Variants in LIN7C observed in about 807,000 individuals in gnomAD.
The protein encoded by LIN7C is lin-7 cell polarity scaffold C, also known as protein lin-7 homolog C.
Under a neutral mutation model 24.7 loss-of-function variants are expected in LIN7C, and 17 were observed. The observed-to-expected ratio is 0.69, with a 90% CI of 0.47 to 1.03. LIN7C has a LOEUF of 1.03. LIN7C is among the 50% of genes least tolerant of loss of function. The probability of loss-of-function intolerance (pLI) is 0.00; values close to 1 mark genes in which losing one functional copy is unlikely to be tolerated. For synonymous variants in LIN7C, 90 were observed against 83.4 expected (o/e 1.08, Z -0.43); for missense variants, 204 against 239.0 (o/e 0.85, Z 0.97).
intron 1 of LIN7C, among the ~76,000 whole-genome samples, chr11:27,502,738 CA>C (rs1295320494): frequency 6.6e-6 from 1 of 152,016 alleles, no homozygotes. Flanking sequence ...GTTATGAGTT[CA>C]GTTAACAACT....
chr11:27,501,786 A>G lies in LIN7C; in HGVS notation c.156+16T>C. 2.0e-6 allele frequency: 3 copies of G among 1,505,144 alleles called. No individual in the cohort carries two copies. Among genetic ancestry groups the G allele is most frequent in the Non-Finnish European group, 2.8e-6 (3 of 1,090,556 alleles). The allele number at this position is 1,505,144 out of a possible 1,614,324, so 93.2% of individuals were successfully genotyped here. ...ATTAACTCAAATTTTTGTAAATTTT[A>G]ATGATGTTTACTCACCTCTCTCACA... On this transcript the variant is annotated intron_variant, in intron 2 of 4. Transcript: ENST00000278193.
At position 27,504,955 on chromosome 11, in the gene LIN7C, A is replaced by G. The variant is rs192134342; in HGVS notation, c.37+1761T>C. Among the ~76,000 whole-genome samples, 1,402 of 147,370 alleles carry G rather than the reference A, an allele frequency of 9.5e-3. 87 individuals are homozygous for G. The highest frequency in any genetic ancestry group is 0.081 in the Admixed American group (1,200 of 14,886). ...TGGAGTCTTCTACTGAAGAACAGAA[A>G]AGAAATCTGTAACAGCAAAAAACAA... On this transcript the variant is annotated intron_variant, in intron 1 of 4. Coordinates refer to ENST00000278193, the MANE Select transcript of LIN7C (RefSeq NM_018362.4).
In LIN7C at chr11:27,501,820, G is replaced by A; in HGVS notation, c.138C>T (p.Phe46=). ...TACTCACCTCTCTCACAGCATTGCA[G>A]AATTCACTTTGAAGGACTCTTTGCA... is the stretch of plus-strand genomic sequence containing the variant. ...QALQRVLQSE[F]CNAVREVYEH... is the part of the protein sequence containing the mutation. Residue 46 remains phenylalanine, a synonymous_variant, in exon 2 of 5, where the codon TTC becomes TTT. Transcript: ENST00000278193. 1 of 1,608,344 alleles carries A rather than the reference G, an allele frequency of 6.2e-7. No homozygotes were observed. The highest frequency in any genetic ancestry group is 8.5e-7 in the Non-Finnish European group (1 of 1,174,974).
chr11:27,501,627 A>ATTTCAGGCGAAGTTAAAC, intron 2 of LIN7C, 61 bp from the exon 3 acceptor site: 2 of 1,230,598 alleles, frequency 1.6e-6, no homozygotes, highest in Non-Finnish European at 2.3e-6. Flanking sequence ...TGAAGTTAAA[A>ATTTCAGGCGAAGTTAAAC]TTTCAGGCAA....
At chr11:27,499,803 T>A (rs1463379380) in intron 3 of LIN7C, among the ~76,000 whole-genome samples, 2 of 152,048 alleles carry the variant, frequency 1.3e-5, no homozygotes, top group South Asian at 2.1e-4. Context: ...TTTTGTATTT[T>A]TTTTTAGTAG....
chr11:27,506,624 T>A, intron 1 of LIN7C, 92 bp downstream of exon 1: 1 of 1,437,628 alleles, frequency 7.0e-7, no homozygotes, highest in Non-Finnish European at 9.7e-7. Flanking sequence ...GTGGCCCGGA[T>A]CTCAGAGCCT....
At chr11:27,502,024 A>G (rs1382823727) in intron 1 of LIN7C, 104 bp from the exon 2 acceptor site, 1 of 689,906 alleles carries the variant, frequency 1.4e-6, no homozygotes, top group Non-Finnish European at 2.5e-6. Flanking sequence ...AATAATATAC[A>G]GACAATCGAG....
chr11:27,502,138 G>A (rs749461157), intron 1 of LIN7C, among the ~76,000 whole-genome samples: 1 of 152,206 alleles, frequency 6.6e-6, no homozygotes, highest in Non-Finnish European at 1.5e-5. Flanking sequence ...AAATTTTACA[G>A]TAGATAGGAA....
At chr11:27,504,830 TAC>T (rs1865257985) in intron 1 of LIN7C, among the ~76,000 whole-genome samples, 1 of 152,234 alleles carries the variant, frequency 6.6e-6, no homozygotes, top group Non-Finnish European at 1.5e-5. Flanking sequence ...ACATGTTCTA[TAC>T]AGACACGATT....
In LIN7C at chr11:27,494,609, A is replaced by C. The variant is rs1032120518; in HGVS notation, c.*4040T>G. 2 of 152,188 alleles carry C rather than the reference A, an allele frequency of 1.3e-5. No individual in the cohort carries two copies. The highest frequency in any genetic ancestry group is 2.9e-5 in the Non-Finnish European group (2 of 68,038). The allele number at this position is 152,188 out of a possible 1,614,324, so 9.4% of individuals were successfully genotyped here. A position where few individuals can be genotyped will look rare whatever the true frequency, so the allele number is the denominator to read the frequency against. ...ACAAATTTATTTTAAATAAGCCTTA[A>C]AATCAGAATTAAATTGATAAATGAA... On this transcript the variant is annotated 3_prime_UTR_variant, in exon 5 of 5. Transcript: ENST00000278193.
At chr11:27,502,609 A>G (rs1348159927) in intron 1 of LIN7C, among the ~76,000 whole-genome samples, 3 of 152,226 alleles carry the variant, frequency 2.0e-5, no homozygotes, top group South Asian at 4.1e-4. Context: ...AGCTTTATCA[A>G]TCTGGTCTCA....
chr11:27,506,060 T>A (rs1050305547), intron 1 of LIN7C, among the ~76,000 whole-genome samples: 2 of 152,228 alleles, frequency 1.3e-5, no homozygotes, highest in African/African-American at 4.8e-5. Flanking sequence ...GCCAACCAGT[T>A]TGCAATTGTA....
intron 1 of LIN7C, among the ~76,000 whole-genome samples, chr11:27,504,246 T>C (rs1321604064): frequency 2.6e-5 from 4 of 152,200 alleles, no homozygotes; most frequent in Non-Finnish European, 4.4e-5. Context: ...ATGGGGACTG[T>C]TGGTTCATCA....
Position 27,499,483 on chromosome 11 carries a change from A to G in LIN7C, c.314T>C (p.Phe105Ser). 6.2e-7 allele frequency: 1 copy of G among 1,614,210 alleles called. No individual in the cohort carries two copies. The highest frequency in any genetic ancestry group is 8.5e-7 in the Non-Finnish European group (1 of 1,180,024). Reference sequence around the variant, plus strand: ...TTGTTCTTTGCCTCCCATAATATTGAATCCAAGGCCCTCTTCTGTTTTTGG... The same window carrying G: ...TTGTTCTTTGCCTCCCATAATATTGGATCCAAGGCCCTCTTCTGTTTTTGG... ...ELPKTEEGLG[F>S]NIMGGKEQNS... is the part of the protein sequence containing the mutation. Residue 105 changes from phenylalanine (F) to serine (S), a missense_variant, in exon 4 of 5, where the codon TTC becomes TCC. Phe to Ser is a radical substitution (Grantham distance 155). Coordinates refer to ENST00000278193, the MANE Select transcript of LIN7C (RefSeq NM_018362.4).
rs1865184273 is a variant in LIN7C, at chr11:27,497,553, T to C, written c.*1096A>G. 1 of 152,592 alleles carries C rather than the reference T, an allele frequency of 6.6e-6. No individual in the cohort carries two copies. The highest frequency in any genetic ancestry group is 1.5e-5 in the Non-Finnish European group (1 of 67,960). The allele number at this position is 152,592 out of a possible 1,614,324, so 9.5% of individuals were successfully genotyped here. On this transcript the variant is annotated 3_prime_UTR_variant, in exon 5 of 5. Transcript: ENST00000278193. ...ATCCAACAATTTTAGTATGAGTTCC[T>C]ACTTATTTTGATGGAATCTACAGAT...
At chr11:27,498,951 C>G in intron 4 of LIN7C, 147 bp from the exon 5 acceptor site, 1 of 732,016 alleles carries the variant, frequency 1.4e-6, no homozygotes. Context: ...ATAATCCTGC[C>G]TTACCATTTT....
intron 1 of LIN7C, among the ~76,000 whole-genome samples, chr11:27,505,620 G>A (rs1865275473): frequency 6.6e-6 from 1 of 152,154 alleles, no homozygotes; most frequent in Non-Finnish European, 1.5e-5. Context: ...AACATTAAGT[G>A]CACATTTGTT....
At chr11:27,504,952 G>T (rs937302335) in intron 1 of LIN7C, among the ~76,000 whole-genome samples, 1 of 147,148 alleles carries the variant, frequency 6.8e-6, no homozygotes, top group Non-Finnish European at 1.5e-5. Context: ...CTGAAGAACA[G>T]AAAAGAAATC....
chr11:27,502,334 A>T (rs12788295), intron 1 of LIN7C, among the ~76,000 whole-genome samples: 1 of 152,216 alleles, frequency 6.6e-6, no homozygotes. Context: ...CCTAATTATT[A>T]TTAGTAACCA....
Sources: allele counts gnomAD v4.1 joint callset (sites outside exome capture counted in the v4.1 genomes callset), GRCh38; gene constraint gnomAD v4.1.1; transcripts MANE v1.5; gene names NCBI Gene and HGNC (gene_info 2026-07-23, HGNC 2026-07-21).